Variants in ARHGAP39 observed in about 807,000 individuals in gnomAD.
ARHGAP39 encodes rho GTPase-activating protein 39.
Under a neutral mutation model 106.9 loss-of-function variants are expected in ARHGAP39, and 44 were observed. The ratio of observed to expected loss-of-function variants is 0.41; its 90% CI spans 0.32 to 0.53. The LOEUF is 0.53. ARHGAP39 is among the 20% of genes least tolerant of loss of function. ARHGAP39 has a pLI of 0.21. For synonymous variants in ARHGAP39, 768 were observed against 693.2 expected (o/e 1.11, Z -1.69); for missense variants, 1,496 against 1,577.3 (o/e 0.95, Z 0.87).
intron 1 of ARHGAP39, among the ~76,000 whole-genome samples, chr8:144,681,527 C>T (rs999407904): frequency 6.6e-6 from 1 of 152,162 alleles, no homozygotes; most frequent in Non-Finnish European, 1.5e-5. Context: ...GTAGGTGTTT[C>T]AATATAAGAG....
intron 1 of ARHGAP39, among the ~76,000 whole-genome samples, chr8:144,627,508 T>A (rs1348650246): frequency 1.4e-5 from 2 of 138,096 alleles, no homozygotes; most frequent in Non-Finnish European, 3.0e-5. Context: ...TGAGCTGAGA[T>A]CGCACCACTG....
chr8:144,590,683 G>A (rs1251084953), intron 2 of ARHGAP39, among the ~76,000 whole-genome samples: 1 of 152,138 alleles, frequency 6.6e-6, no homozygotes, highest in African/African-American at 2.4e-5. Context: ...GGCTGGGGGG[G>A]CAGCGGTCAC....
intron 7 of ARHGAP39, among the ~76,000 whole-genome samples, chr8:144,537,329 G>A (rs996923674): frequency 6.6e-6 from 1 of 151,736 alleles, no homozygotes; most frequent in African/African-American, 2.4e-5. Flanking sequence ...CCCTGGGCGG[G>A]AAGACAGGAC....
chr8:144,602,302 C>T lies in ARHGAP39; in HGVS notation c.80+3233G>A, dbSNP rs1417260469. Among the ~76,000 whole-genome samples, 4 of 79,990 alleles carry T rather than the reference C, an allele frequency of 5.0e-5. No individual in the cohort carries two copies. In the South Asian group the frequency reaches 1.8e-3, roughly 36 times the overall value. The allele number at this position is 79,990 out of a possible 152,430, so 52.5% of individuals were successfully genotyped here. On this transcript the variant is annotated intron_variant, in intron 2 of 11. Transcript: ENST00000377307. Reference sequence around the variant, plus strand: ...GCGTGGAGGCGTGTGTGCTCGTGTACCTGTGTGTGTGCATGGAGGCGTGCG... The same window carrying T: ...GCGTGGAGGCGTGTGTGCTCGTGTATCTGTGTGTGTGCATGGAGGCGTGCG...
At chr8:144,595,442 G>C (rs1292658427) in intron 2 of ARHGAP39, among the ~76,000 whole-genome samples, 1 of 152,354 alleles carries the variant, frequency 6.6e-6, no homozygotes, top group South Asian at 2.1e-4. Flanking sequence ...TGGGAGTGGG[G>C]CTTCTCTGTG....
At chr8:144,581,311 A>G in intron 2 of ARHGAP39, 34 bp from the exon 3 acceptor site, 1 of 1,510,236 alleles carries the variant, frequency 6.6e-7, no homozygotes, top group Non-Finnish European at 8.9e-7. Flanking sequence ...GGCTGGAGCC[A>G]CGGCGGCCTG....
chr8:144,661,284 G>A lies in ARHGAP39; in HGVS notation c.-82+24402C>T, dbSNP rs548800188. On this transcript the variant is annotated intron_variant, in intron 1 of 11. Transcript: ENST00000377307. Reference sequence around the variant, plus strand: ...ACACACAAGGCTCCCAAAGCTCTGTGAGCAACATCTCAGCCTCTCCCCGGC... The same window carrying A: ...ACACACAAGGCTCCCAAAGCTCTGTAAGCAACATCTCAGCCTCTCCCCGGC... 7.9e-5 allele frequency among the ~76,000 whole-genome samples: 12 copies of A among 152,270 alleles called. No homozygotes were observed. In the South Asian group the frequency reaches 2.5e-3, roughly 32 times the overall value.
intron 4 of ARHGAP39, among the ~76,000 whole-genome samples, chr8:144,551,067 T>C (rs1453107783): frequency 6.6e-6 from 1 of 152,244 alleles, no homozygotes; most frequent in Non-Finnish European, 1.5e-5. Context: ...TTTGCATATC[T>C]GTGACTCTTT....
In ARHGAP39 at chr8:144,645,696, C is replaced by A. The variant is rs1821425088; in HGVS notation, c.-82+39990G>T. ...AGGGATTCTTATCCTCTAGAAAAAA[C>A]CATCCCCAAACCCAGACGTGCTCTC... On this transcript the variant is annotated intron_variant, in intron 1 of 11. Coordinates refer to ENST00000377307, the MANE Select transcript of ARHGAP39 (RefSeq NM_025251.3). This position sits in a 1 kb window ranked among gnomAD's most constrained non-coding sequence, Gnocchi z 4.4. Among the ~76,000 whole-genome samples, 1 of 152,242 alleles carries A rather than the reference C, an allele frequency of 6.6e-6. No individual in the cohort carries two copies.
At chr8:144,546,821 TGAGG>T (rs1343643763) in intron 5 of ARHGAP39, among the ~76,000 whole-genome samples, 4 of 152,194 alleles carry the variant, frequency 2.6e-5, no homozygotes, top group African/African-American at 9.6e-5. Context: ...CCCAGGCTGC[TGAGG>T]CCTTCTCTGT....
intron 3 of ARHGAP39, among the ~76,000 whole-genome samples, chr8:144,574,596 C>T (rs1818705146): frequency 6.6e-6 from 1 of 152,160 alleles, no homozygotes; most frequent in South Asian, 2.1e-4. Context: ...ATGGCGTGAA[C>T]CCAGGAGGCG....
intron 1 of ARHGAP39, among the ~76,000 whole-genome samples, chr8:144,610,874 T>G (rs1820468617): frequency 6.6e-6 from 1 of 152,170 alleles, no homozygotes; most frequent in Non-Finnish European, 1.5e-5. Context: ...TGGAGTGCAG[T>G]GGTGGGATCT....
intron 1 of ARHGAP39, among the ~76,000 whole-genome samples, chr8:144,662,721 C>G (rs564958096): frequency 6.7e-6 from 1 of 149,692 alleles, no homozygotes; most frequent in Non-Finnish European, 1.5e-5. Flanking sequence ...GGCCATTACC[C>G]GCCTCCCCAT....
chr8:144,571,386 A>G (rs1818581323), intron 3 of ARHGAP39, among the ~76,000 whole-genome samples: 1 of 152,120 alleles, frequency 6.6e-6, no homozygotes, highest in Non-Finnish European at 1.5e-5. Context: ...AAACCTAAAA[A>G]CCACGATTAT....
chr8:144,530,803 A>C lies in ARHGAP39; in HGVS notation c.3049T>G (p.Cys1017Gly). The C allele has an allele frequency of 6.2e-7, 1 of 1,612,052 alleles. No individual in the cohort carries two copies. Among genetic ancestry groups the C allele is most frequent in the Non-Finnish European group, 8.5e-7 (1 of 1,179,752 alleles). ...TCGGGGCTGTCGTAGTGCGCGATGC[A>C]CTGCTCGTAGAACTCGTGCGGGATC... is the stretch of plus-strand genomic sequence containing the variant. ...PLIPHEFYEQ[C>G]IAHYDSPEAA... Residue 1017 changes from cysteine to glycine, a missense_variant, in exon 11 of 12, where the codon TGC (cysteine) becomes GGC (glycine). Transcript: ENST00000377307.
At chr8:144,559,161 T>C (rs985339778) in intron 3 of ARHGAP39, among the ~76,000 whole-genome samples, 4 of 151,748 alleles carry the variant, frequency 2.6e-5, no homozygotes, top group South Asian at 2.1e-4. Context: ...TGAGCCAAGA[T>C]TGCACCACTA....
chr8:144,629,673 T>C (rs1368181994), intron 1 of ARHGAP39, among the ~76,000 whole-genome samples: 1 of 152,226 alleles, frequency 6.6e-6, no homozygotes, highest in African/African-American at 2.4e-5. Flanking sequence ...GGTGATGGCA[T>C]TGACAGCAAT....
chr8:144,619,006 A>G (rs1191780963), intron 1 of ARHGAP39, among the ~76,000 whole-genome samples: 6 of 152,206 alleles, frequency 3.9e-5, no homozygotes. Flanking sequence ...TCTCCATAGC[A>G]GTCAAGGCCA....
intron 4 of ARHGAP39, among the ~76,000 whole-genome samples, chr8:144,553,534 C>G (rs4925833): frequency 0.036 from 5,510 of 152,328 alleles, 184 homozygotes; most frequent in Admixed American, 0.069. Context: ...TCACCCCAGG[C>G]CACAAGCCCC....
Sources: gnomAD v4.1 joint callset for allele counts (sites outside exome capture counted in the v4.1 genomes callset) on GRCh38, gnomAD v4.1.1 for gene constraint, Gnocchi (gnomAD v3.1) non-coding constraint, MANE v1.5 for transcripts, NCBI Gene and HGNC (gene_info 2026-07-23, HGNC 2026-07-21) for gene names.